Variants in PCDHGB3 observed in about 807,000 individuals in gnomAD.
PCDHGB3 encodes protocadherin gamma subfamily B, 3.
PCDHGB3 carries 40 observed loss-of-function variants against 59.2 expected under a neutral mutation model. That is an observed-to-expected ratio of 0.68 (90% CI 0.52 to 0.88). The LOEUF (loss-of-function observed/expected upper bound fraction) is 0.88. Among genes scored for constraint, PCDHGB3 ranks in the 40% least tolerant of loss-of-function variants. The probability of loss-of-function intolerance (pLI) is 0.00; values close to 1 mark genes in which losing one functional copy is unlikely to be tolerated. For synonymous variants in PCDHGB3, 581 were observed against 503.6 expected, an observed-to-expected ratio of 1.15 and a Z score of -2.06; for missense variants, 1,309 against 1,187.9, an observed-to-expected ratio of 1.10 and a Z score of -1.50.
At chr5:141,472,046 A>T (rs945911971) in intron 1 of PCDHGB3, among the ~76,000 whole-genome samples, 4 of 152,210 alleles carry the variant, frequency 2.6e-5, no homozygotes, top group Non-Finnish European at 4.4e-5. Context: ...AAAAGATTTT[A>T]AAAATGATTG....
At chr5:141,393,972 C>G in intron 1 of PCDHGB3, 1 of 1,613,790 alleles carries the variant, frequency 6.2e-7, no homozygotes, top group South Asian at 1.1e-5. Flanking sequence ...CTGTTACACA[C>G]GTGATAATTT....
chr5:141,421,342 G>A (rs199737254), intron 1 of PCDHGB3: 25 of 1,613,872 alleles, frequency 1.5e-5, no homozygotes, highest in Non-Finnish European at 1.9e-5. Context: ...GGTGCCAGAA[G>A]AGACCGAAAA....
At chr5:141,417,897 C>T (rs2096182334) in intron 1 of PCDHGB3, 1 of 1,578,084 alleles carries the variant, frequency 6.3e-7, no homozygotes, top group African/African-American at 1.4e-5. Context: ...CGGGCCGGCC[C>T]GCGGCAGGTA....
At chr5:141,429,196 A>T (rs2097195436) in intron 1 of PCDHGB3, 2 of 151,994 alleles carry the variant, frequency 1.3e-5, no homozygotes, top group African/African-American at 4.8e-5. Context: ...ACACACACAC[A>T]CACACACACG....
At chr5:141,506,669 A>C (rs1293213848) in intron 3 of PCDHGB3, among the ~76,000 whole-genome samples, 1 of 152,198 alleles carries the variant, frequency 6.6e-6, no homozygotes, top group African/African-American at 2.4e-5. Flanking sequence ...GTAAGGGCAC[A>C]ATATATTATT....
intron 1 of PCDHGB3, chr5:141,374,557 T>C (rs1561563298): frequency 1.9e-6 from 3 of 1,613,702 alleles, no homozygotes. Flanking sequence ...TGGAGGTCTA[T>C]GACCCTGATG....
At chr5:141,458,318 A>T (rs1420197662) in intron 1 of PCDHGB3, among the ~76,000 whole-genome samples, 1 of 152,128 alleles carries the variant, frequency 6.6e-6, no homozygotes, top group Non-Finnish European at 1.5e-5. Context: ...ACACAGACAC[A>T]TGTGGAGTGG....
Position 141,371,474 on chromosome 5 carries a change from T to A in PCDHGB3, c.1080T>A (p.Ala360=). Residue 360 remains alanine (A), a synonymous_variant, in exon 1 of 4, where the codon GCT becomes GCA. Coordinates refer to ENST00000576222, the MANE Select transcript of PCDHGB3 (RefSeq NM_018924.5). ...AATCCCAACATATACAAGAAGATGC[T>A]GAGCTGGGGACTGCCGTTGCCCTGA... ...ASESQHIQED[A]ELGTAVALIK... 1 of 1,613,986 alleles carries A rather than the reference T, an allele frequency of 6.2e-7. No individual in the cohort carries two copies. Among genetic ancestry groups the A allele is most frequent in the South Asian group, 1.1e-5 (1 of 91,082 alleles).
At position 141,477,855 on chromosome 5, in the gene PCDHGB3, T is replaced by C; in HGVS notation, c.2416-16952T>C. The C allele has an allele frequency of 1.2e-6, 2 of 1,613,698 alleles. No individual in the cohort carries two copies. The highest frequency in any genetic ancestry group is 1.7e-6 in the Non-Finnish European group (2 of 1,179,882). On this transcript the variant is annotated intron_variant, in intron 1 of 3. Coordinates refer to ENST00000576222, the MANE Select transcript of PCDHGB3 (RefSeq NM_018924.5). The surrounding 1 kb of genome is among the most constrained non-coding windows in gnomAD (Gnocchi z 4.9). ...CCAGGTGGGAGCTCGGTGGAGATGC[T>C]GCCTCGAGGTACCTCAGCTGGCCAC...
In PCDHGB3 at chr5:141,487,608, G is replaced by T; in HGVS notation, c.2416-7199G>T. 1 of 1,614,182 alleles carries T rather than the reference G, an allele frequency of 6.2e-7. No individual in the cohort carries two copies. The highest frequency in any genetic ancestry group is 8.5e-7 in the Non-Finnish European group (1 of 1,180,042). On this transcript the variant is annotated intron_variant, in intron 1 of 3. Coordinates refer to ENST00000576222, the MANE Select transcript of PCDHGB3 (RefSeq NM_018924.5). The surrounding 1 kb of genome is among the most constrained non-coding windows in gnomAD (Gnocchi z 5.0). ...TGCCCACCCTCTGATCTTCTCTATG[G>T]GCTAGAGGTGAGACCTTTGCAGGCT...
At chr5:141,388,734 G>C in intron 1 of PCDHGB3, 1 of 1,614,018 alleles carries the variant, frequency 6.2e-7, no homozygotes, top group Non-Finnish European at 8.5e-7. Flanking sequence ...TTTCAGTGAA[G>C]CTAGCCAGAT....
chr5:141,497,804 T>G (rs1196976996), intron 2 of PCDHGB3, among the ~76,000 whole-genome samples: 1 of 152,186 alleles, frequency 6.6e-6, no homozygotes, highest in Non-Finnish European at 1.5e-5. Context: ...CTTCCCAAAG[T>G]GCTAGAATTA....
intron 1 of PCDHGB3, among the ~76,000 whole-genome samples, chr5:141,436,383 G>C (rs1374382672): frequency 6.6e-6 from 1 of 152,104 alleles, no homozygotes; most frequent in Admixed American, 6.5e-5. Context: ...AGCTGAATAG[G>C]CTTTATTAAA....
intron 1 of PCDHGB3, among the ~76,000 whole-genome samples, chr5:141,472,402 G>T (rs569497172): frequency 6.6e-6 from 1 of 152,042 alleles, no homozygotes; most frequent in Non-Finnish European, 1.5e-5. Context: ...TTAGCCAGGC[G>T]TGGTGGCACG....
At chr5:141,501,333 A>ACC (rs1554187333) in intron 2 of PCDHGB3, among the ~76,000 whole-genome samples, 192 of 140,118 alleles carry the variant, frequency 1.4e-3, no homozygotes, top group Admixed American at 5.6e-3. Flanking sequence ...ACACACACAC[A>ACC]CCCCAAACTC....
intron 1 of PCDHGB3, chr5:141,417,757 G>A: frequency 7.0e-7 from 1 of 1,435,144 alleles, no homozygotes; most frequent in Non-Finnish European, 9.2e-7. Flanking sequence ...CCAGCTCCGA[G>A]ACCCGGGACT....
chr5:141,383,440 G>A, intron 1 of PCDHGB3: 1 of 1,613,950 alleles, frequency 6.2e-7, no homozygotes, highest in Non-Finnish European at 8.5e-7. Context: ...CTTCTCCCTG[G>A]CTGTGCAAAG....
At chr5:141,381,826 C>CTTT (rs770630741) in intron 1 of PCDHGB3, among the ~76,000 whole-genome samples, 5,488 of 73,990 alleles carry the variant, frequency 0.074, 263 homozygotes, top group Admixed American at 0.16. Context: ...CTTTCTTCTT[C>CTTT]TTTTTTTTTT....
At chr5:141,430,595 G>T (rs549786394) in intron 1 of PCDHGB3, 3 of 567,018 alleles carry the variant, frequency 5.3e-6, no homozygotes, top group African/African-American at 1.9e-5. Context: ...CCTTGCACGC[G>T]CCTGAAGCAC....
Sources: allele counts gnomAD v4.1 joint callset (sites outside exome capture counted in the v4.1 genomes callset), GRCh38; gene constraint gnomAD v4.1.1; non-coding constraint Gnocchi (gnomAD v3.1); transcripts MANE v1.5; gene names NCBI Gene and HGNC (gene_info 2026-07-23, HGNC 2026-07-21).